Variants in RBFOX1 observed in about 807,000 individuals in gnomAD.
RBFOX1 encodes RNA binding protein fox-1 homolog 1.
RBFOX1 carries 8 observed loss-of-function variants against 57.7 expected under a neutral mutation model. That is an observed-to-expected ratio of 0.14 (90% CI 0.08 to 0.25). The LOEUF (loss-of-function observed/expected upper bound fraction) is 0.25. RBFOX1 is among the 10% of genes least tolerant of loss of function. The probability of loss-of-function intolerance (pLI) is 1.00; values close to 1 mark genes in which losing one functional copy is unlikely to be tolerated. For missense variants in RBFOX1, 611 were observed against 548.5 expected, an observed-to-expected ratio of 1.11 and a Z score of -1.14; for synonymous variants, 326 against 222.4, an observed-to-expected ratio of 1.47 and a Z score of -4.15.
intron 1 of RBFOX1, among the ~76,000 whole-genome samples, chr16:6,133,324 T>C (rs2096643246): frequency 2.0e-5 from 3 of 152,224 alleles, no homozygotes; most frequent in African/African-American, 7.2e-5. Context: ...CTCTCTAGCA[T>C]GTGGACTTCA....
At chr16:5,915,778 G>T (rs1209951450) in intron 4 of RBFOX1, among the ~76,000 whole-genome samples, 1 of 152,068 alleles carries the variant, frequency 6.6e-6, no homozygotes, top group African/African-American at 2.4e-5. Context: ...GTTGCAGTGA[G>T]CCAAGATCAT....
At chr16:6,963,750 G>C (rs890180584) in intron 3 of RBFOX1, among the ~76,000 whole-genome samples, 4 of 152,086 alleles carry the variant, frequency 2.6e-5, no homozygotes, top group African/African-American at 7.2e-5. Context: ...CCAGGCTGGA[G>C]TGCATTGGCG....
chr16:6,486,329 C>T (rs1335031549), intron 2 of RBFOX1, among the ~76,000 whole-genome samples: 1 of 151,732 alleles, frequency 6.6e-6, no homozygotes, highest in Admixed American at 6.6e-5. Flanking sequence ...GTCTTGTTTT[C>T]TGTCTAAATT....
At chr16:5,808,030 T>G (rs2055290029) in intron 3 of RBFOX1, among the ~76,000 whole-genome samples, 1 of 152,236 alleles carries the variant, frequency 6.6e-6, no homozygotes, top group African/African-American at 2.4e-5. Flanking sequence ...CTTCTATGCC[T>G]GAATCCTAAG....
chr16:6,966,793 G>A (rs372452106), intron 3 of RBFOX1, among the ~76,000 whole-genome samples: 27 of 103,458 alleles, frequency 2.6e-4, no homozygotes, highest in South Asian at 1.9e-3. Flanking sequence ...CTATCTATCT[G>A]TCTGTCTGTC....
chr16:5,331,461 G>A (rs1036623347), intron 1 of RBFOX1, among the ~76,000 whole-genome samples: 3 of 152,232 alleles, frequency 2.0e-5, no homozygotes, highest in Non-Finnish European at 2.9e-5. Flanking sequence ...ATGGGGCTTG[G>A]CTGGGTGGTT....
chr16:5,592,333 G>C (rs2047035133), intron 2 of RBFOX1, among the ~76,000 whole-genome samples: 1 of 151,756 alleles, frequency 6.6e-6, no homozygotes, highest in South Asian at 2.1e-4. Context: ...TATATGCGCA[G>C]AATTTTAAAT....
At chr16:6,011,009 G>C (rs146503949) in intron 4 of RBFOX1, among the ~76,000 whole-genome samples, 1 of 152,160 alleles carries the variant, frequency 6.6e-6, no homozygotes, top group Non-Finnish European at 1.5e-5. Flanking sequence ...CACTGCAAAT[G>C]CATACTCTTC....
At chr16:7,541,968 C>G (rs1281275756) in intron 5 of RBFOX1, among the ~76,000 whole-genome samples, 2 of 152,218 alleles carry the variant, frequency 1.3e-5, no homozygotes, top group Non-Finnish European at 2.9e-5. Flanking sequence ...AGTGCTTCAG[C>G]TTGACATTAG....
chr16:7,120,319 A>G (rs2066833292), intron 4 of RBFOX1, among the ~76,000 whole-genome samples: 1 of 148,112 alleles, frequency 6.8e-6, no homozygotes, highest in African/African-American at 2.6e-5. Context: ...TGCAAAGAGA[A>G]AGAAGGGAAT....
At chr16:7,483,353 C>A (rs527240295) in intron 4 of RBFOX1, among the ~76,000 whole-genome samples, 32 of 152,144 alleles carry the variant, frequency 2.1e-4, no homozygotes, top group Non-Finnish European at 3.5e-4. Flanking sequence ...CTTACTGAAC[C>A]TGTGAATTGG....
chr16:7,011,501 CGTTTG>C (rs1302096518), intron 3 of RBFOX1, among the ~76,000 whole-genome samples: 1 of 151,332 alleles, frequency 6.6e-6, no homozygotes, highest in Non-Finnish European at 1.5e-5. Context: ...TTTTGTTGTG[CGTTTG>C]TTTTGTTTTG....
intron 5 of RBFOX1, among the ~76,000 whole-genome samples, chr16:7,557,619 C>CAAAAAAAAAAAAAAAAAAAAAA (rs1170051114): frequency 4.9e-5 from 2 of 40,764 alleles, no homozygotes; most frequent in Admixed American, 4.0e-4. Flanking sequence ...GACTCTGTCT[C>CAAAAAAAAAAAAAAAAAAAAAA]AAAAAAAAAA....
chr16:6,399,960 G>A (rs2093002319), intron 2 of RBFOX1, among the ~76,000 whole-genome samples: 1 of 152,096 alleles, frequency 6.6e-6, no homozygotes, highest in South Asian at 2.1e-4. Flanking sequence ...TACAGCATGA[G>A]GGTAGCCAGC....
At chr16:7,649,950 G>C (rs1392067821) in intron 11 of RBFOX1, among the ~76,000 whole-genome samples, 1 of 150,164 alleles carries the variant, frequency 6.7e-6, no homozygotes, top group Non-Finnish European at 1.5e-5. Context: ...GAAATGAAGG[G>C]AGAGGAGAGG....
chr16:5,672,479 C>G (rs1354851482), intron 3 of RBFOX1, among the ~76,000 whole-genome samples: 3 of 152,142 alleles, frequency 2.0e-5, no homozygotes, highest in Non-Finnish European at 4.4e-5. Context: ...TTGGGTGCAC[C>G]TCATTCTTTA....
At chr16:5,457,762 C>G (rs1345803279) in intron 1 of RBFOX1, among the ~76,000 whole-genome samples, 1 of 152,232 alleles carries the variant, frequency 6.6e-6, no homozygotes, top group Non-Finnish European at 1.5e-5. Flanking sequence ...TGTGTGGACT[C>G]ACTTCCTGGT....
chr16:6,107,499 A>G lies in RBFOX1; in HGVS notation c.-127+87507A>G, dbSNP rs146673287. Among the ~76,000 whole-genome samples, 121 of 152,260 alleles carry G rather than the reference A, an allele frequency of 7.9e-4. 1 individual carries two copies. In the East Asian group the frequency reaches 0.022, roughly 28 times the overall value. ...AATTTGTCCCCTACTGTAGTGTCAT[A>G]ATATATCCTCTATGTATTAATTAAA... On this transcript the variant is annotated intron_variant, in intron 1 of 15. Transcript: ENST00000550418.
intron 1 of RBFOX1, among the ~76,000 whole-genome samples, chr16:6,119,842 C>G (rs1157691217): frequency 6.6e-6 from 1 of 152,162 alleles, no homozygotes; most frequent in East Asian, 1.9e-4. Context: ...GAATTTAGCA[C>G]ATTCGTAATG....
Sources: gnomAD v4.1 joint callset for allele counts (sites outside exome capture counted in the v4.1 genomes callset) on GRCh38, gnomAD v4.1.1 for gene constraint, MANE v1.5 for transcripts, NCBI Gene and HGNC (gene_info 2026-07-23, HGNC 2026-07-21) for gene names.